CHAD: variants seen among roughly 807,000 people sequenced by gnomAD.
CHAD encodes chondroadherin, also known as cartilage leucine-rich protein.
Under a neutral mutation model 24.0 loss-of-function variants are expected in CHAD, and 18 were observed. The ratio of observed to expected loss-of-function variants is 0.75; its 90% CI spans 0.52 to 1.11. CHAD has a LOEUF of 1.11. Among genes scored for constraint, CHAD ranks in the 50% most tolerant of loss-of-function variants. The probability of loss-of-function intolerance (pLI) is 0.00; values close to 1 mark genes in which losing one functional copy is unlikely to be tolerated. For missense variants in CHAD, 440 were observed against 467.2 expected (o/e 0.94, Z 0.54); for synonymous variants, 195 against 211.6 (o/e 0.92, Z 0.68).
Position 50,465,717 on chromosome 17 carries a change from C to A in CHAD, c.928G>T (p.Gly310Cys). 2 of 1,613,174 alleles carry A rather than the reference C, an allele frequency of 1.2e-6. No homozygotes were observed. Among genetic ancestry groups the A allele is most frequent in the South Asian group, 2.2e-5 (2 of 91,024 alleles). ...TGGAAGTGTTCTTACCGCCGAAGGC[C>A]CCGGAGCTGGCAGGTACACTTCCAG... ...NPWKCTCQLR[G>C]LRRWLEAKAS... The change falls in exon 2 of 4, where the codon GGC becomes TGC. Residue 310 changes from glycine to cysteine, a missense_variant. Transcript: ENST00000508540.
intron 1 of CHAD, 177 bp downstream of exon 1, chr17:50,467,863 G>T (rs2032837873): frequency 3.4e-6 from 2 of 593,738 alleles, no homozygotes; most frequent in Non-Finnish European, 5.7e-6. Flanking sequence ...AGCAGACAGG[G>T]ATTAGGGTAG....
In CHAD at chr17:50,468,606, A is replaced by G; in HGVS notation, c.208T>C (p.Ser70Pro). The G allele has an allele frequency of 6.2e-6, 10 of 1,614,196 alleles. No individual in the cohort carries two copies. Among genetic ancestry groups the G allele is most frequent in the Non-Finnish European group, 5.9e-6 (7 of 1,180,014 alleles). ...ACGAGGTTCGGCATGGCCCGGAACG[A>G]ATTGGCAGCCAGCACCGGGAAGTTG... ...RNNFPVLAANSFRAMPNLVSL... is the reference protein window; with the variant it reads ...RNNFPVLAANPFRAMPNLVSL... Residue 70 changes from serine (S) to proline (P), a missense_variant, in exon 1 of 4, where the codon TCG becomes CCG. Physicochemically the swap from Ser to Pro is moderately conservative, Grantham distance 74 (BLOSUM62 -1). Transcript: ENST00000508540.
At chr17:50,466,001 A>G (rs944677499) in intron 1 of CHAD, 131 bp from the exon 2 acceptor site, 1 of 930,276 alleles carries the variant, frequency 1.1e-6, no homozygotes, top group Non-Finnish European at 1.7e-6. Context: ...CCCAGTTTTC[A>G]AAGCAGTATG....
At position 50,468,116 on chromosome 17, in the gene CHAD, C is replaced by A. The variant is rs1598431663; in HGVS notation, c.698G>T (p.Ser233Ile). The stretch of plus-strand genomic sequence containing the variant: ...GGACTGGAAGGCATTGTCCGGGATG[C>A]TTTTCAGGGGGTTGTGGGACAGCTT... ...ELKLSHNPLK[S>I]IPDNAFQSFG... The change falls in exon 1 of 4, where the codon AGC becomes ATC. Residue 233 changes from serine to isoleucine, a missense_variant. Ser to Ile is a moderately radical substitution (Grantham distance 142, BLOSUM62 -2). Transcript: ENST00000508540. 6.2e-7 allele frequency: 1 copy of A among 1,614,080 alleles called. No homozygotes were observed. The highest frequency in any genetic ancestry group is 8.5e-7 in the Non-Finnish European group (1 of 1,179,962).
At position 50,464,732 on chromosome 17, in the gene CHAD, C is replaced by A; in HGVS notation, c.*322G>T. The A allele has an allele frequency of 2.7e-6, 1 of 377,026 alleles. No homozygotes were observed. 23.4% of individuals were successfully genotyped at this position (377,026 alleles called of 1,614,324 possible). A position where few individuals can be genotyped will look rare whatever the true frequency, so the allele number is the denominator to read the frequency against. Reference sequence around the variant, plus strand: ...GGAAGGATGATCCTGGGAGGGTGGCCATCCTGATGACCAACCTGTTGTGGT... The same window carrying A: ...GGAAGGATGATCCTGGGAGGGTGGCAATCCTGATGACCAACCTGTTGTGGT... On this transcript the variant is annotated 3_prime_UTR_variant, in exon 4 of 4. Transcript: ENST00000508540.
At position 50,464,771 on chromosome 17, in the gene CHAD, G is replaced by GC. The variant is rs1555611937; in HGVS notation, c.*282_*283insG. On this transcript the variant is annotated 3_prime_UTR_variant, in exon 4 of 4. Transcript: ENST00000508540. ...ACCTGTTGTGGTTCTGATTGACTTG[G>GC]GGGGGGGGTCTCAGCAACAGCTTCT... 4.3e-5 allele frequency: 14 copies of GC among 328,800 alleles called. 2 individuals carry two copies. The highest frequency in any genetic ancestry group is 1.1e-4 in the South Asian group (5 of 44,828). The allele number at this position is 328,800 out of a possible 1,614,324, so 20.4% of individuals were successfully genotyped here. A position where few individuals can be genotyped will look rare whatever the true frequency, so the allele number is the denominator to read the frequency against.
chr17:50,467,897 A>T (rs1598431307), intron 1 of CHAD, 143 bp downstream of exon 1: 1 of 740,606 alleles, frequency 1.4e-6, no homozygotes, highest in Non-Finnish European at 2.2e-6. Context: ...CGAGGAAGGG[A>T]GGTGGCAGAG....
intron 1 of CHAD, chr17:50,467,816 A>G: frequency 3.9e-6 from 2 of 510,550 alleles, no homozygotes. Flanking sequence ...CTCCTTTTAT[A>G]TGTAAGAATC....
Position 50,467,639 on chromosome 17 carries a change from A to G in CHAD, c.774+401T>C, listed in dbSNP as rs736912. Among the ~76,000 whole-genome samples, 368 of 152,178 alleles carry G rather than the reference A, an allele frequency of 2.4e-3. 11 individuals are homozygous for G. The highest frequency in any genetic ancestry group is 0.022 in the Admixed American group (329 of 15,302). ...GCCCAGCTCCTCTGGAAGGCTCCTCAATAAACAAACCTTCCTTTATGGGGT... is the reference window on the plus strand; with the variant it reads ...GCCCAGCTCCTCTGGAAGGCTCCTCGATAAACAAACCTTCCTTTATGGGGT... On this transcript the variant is annotated intron_variant, in intron 1 of 3. Transcript: ENST00000508540.
intron 1 of CHAD, among the ~76,000 whole-genome samples, chr17:50,467,115 G>A (rs1358586467): frequency 6.6e-6 from 1 of 152,246 alleles, no homozygotes; most frequent in Non-Finnish European, 1.5e-5. Context: ...CTGTACCAGG[G>A]TGATTTTTCC....
At position 50,468,522 on chromosome 17, in the gene CHAD, G is replaced by A; in HGVS notation, c.292C>T (p.Leu98Phe). Residue 98 changes from leucine (L) to phenylalanine (F), a missense_variant, in exon 1 of 4, where the codon CTC (leucine) becomes TTC (phenylalanine). Transcript: ENST00000508540. Reference sequence around the variant, plus strand: ...AGGTACAAGTAGATAAGTTGCTTGAGGCCGCGGAAGGCACCGGCGGCCACC... The same window carrying A: ...AGGTACAAGTAGATAAGTTGCTTGAAGCCGCGGAAGGCACCGGCGGCCACC... ...REVAAGAFRGLKQLIYLYLSH... is the reference protein window; with the variant it reads ...REVAAGAFRGFKQLIYLYLSH... 1 of 1,614,262 alleles carries A rather than the reference G, an allele frequency of 6.2e-7. No individual in the cohort carries two copies. The highest frequency in any genetic ancestry group is 2.2e-5 in the East Asian group (1 of 44,882).
chr17:50,467,899 G>T, intron 1 of CHAD, 141 bp downstream of exon 1: 1 of 769,424 alleles, frequency 1.3e-6, no homozygotes, highest in Non-Finnish European at 2.1e-6. Context: ...AGGAAGGGAG[G>T]TGGCAGAGCT....
intron 3 of CHAD, 114 bp downstream of exon 3, chr17:50,465,180 A>C: frequency 7.8e-7 from 1 of 1,277,064 alleles, no homozygotes. Context: ...CTCTCTCTGT[A>C]AAAATGGAGG....
Position 50,464,886 on chromosome 17 carries a change from T to C in CHAD, c.*168A>G. On this transcript the variant is annotated 3_prime_UTR_variant, in exon 4 of 4. Transcript: ENST00000508540. ...CAGGACACTGCTGGGTGGAGCTGGGTTGGTAGTGGAGTGCCCGAGGCCCCC... is the reference window on the plus strand; with the variant it reads ...CAGGACACTGCTGGGTGGAGCTGGGCTGGTAGTGGAGTGCCCGAGGCCCCC... The C allele has an allele frequency of 2.9e-6, 1 of 348,428 alleles. No homozygotes were observed. The highest frequency in any genetic ancestry group is 2.3e-5 in the South Asian group (1 of 43,892). The allele number at this position is 348,428 out of a possible 1,614,324, so 21.6% of individuals were successfully genotyped here. A position where few individuals can be genotyped will look rare whatever the true frequency, so the allele number is the denominator to read the frequency against.
intron 1 of CHAD, 46 bp downstream of exon 1, chr17:50,467,994 G>A: frequency 6.6e-7 from 1 of 1,518,978 alleles, no homozygotes; most frequent in Middle Eastern, 1.8e-4. Flanking sequence ...GGGGCCTCCA[G>A]GAAGGGAAGA....
chr17:50,468,574 C>T lies in CHAD; in HGVS notation c.240G>A (p.Leu80=). Residue 80 remains leucine, a synonymous_variant, in exon 1 of 4, where the codon TTG becomes TTA. Transcript: ENST00000508540. ...CGCGGATCTGGCAGTGCTGCAGGTG[C>T]AATGACACGAGGTTCGGCATGGCCC... is the stretch of plus-strand genomic sequence containing the variant. ...SFRAMPNLVS[L]HLQHCQIREV... The T allele has an allele frequency of 6.2e-7, 1 of 1,614,222 alleles. No individual in the cohort carries two copies. The highest frequency in any genetic ancestry group is 8.5e-7 in the Non-Finnish European group (1 of 1,180,012).
chr17:50,465,200 A>G (rs2032619649), intron 3 of CHAD, 94 bp downstream of exon 3: 2 of 1,460,870 alleles, frequency 1.4e-6, no homozygotes. Context: ...GGTCTGCCTG[A>G]CCCTCCAGGG....
Position 50,468,251 on chromosome 17 carries a change from G to A in CHAD, c.563C>T (p.Pro188Leu), listed in dbSNP as rs142303113. The change falls in exon 1 of 4, where the codon CCC (proline) becomes CTC (leucine). Residue 188 changes from proline to leucine, a missense_variant. Physicochemically the swap from Pro to Leu is moderately conservative, Grantham distance 98. Coordinates refer to ENST00000508540, the MANE Select transcript of CHAD (RefSeq NM_001267.3). ...LSENALSSLQPGALDDVENLA... is the reference protein window; with the variant it reads ...LSENALSSLQLGALDDVENLA... The stretch of plus-strand genomic sequence containing the variant: ...GTTCTCCACGTCGTCCAGGGCCCCG[G>A]GCTGCAGGGAGCTCAACGCGTTTTC... 10 of 1,611,758 alleles carry A rather than the reference G, an allele frequency of 6.2e-6. No individual in the cohort carries two copies. Among genetic ancestry groups the A allele is most frequent in the Middle Eastern group, 1.7e-4 (1 of 6,054 alleles).
At chr17:50,466,488 C>G (rs1388343081) in intron 1 of CHAD, among the ~76,000 whole-genome samples, 2 of 152,154 alleles carry the variant, frequency 1.3e-5, no homozygotes, top group South Asian at 2.1e-4. Context: ...AGGACCACAC[C>G]CAGCTCCTCT....
Sources: allele counts gnomAD v4.1 joint callset (sites outside exome capture counted in the v4.1 genomes callset), GRCh38; gene constraint gnomAD v4.1.1; transcripts MANE v1.5; gene names NCBI Gene and HGNC (gene_info 2026-07-23, HGNC 2026-07-21).